The following SEPHS1 variants were observed in gnomAD, a reference collection of about 807,000 sequenced individuals.
The protein encoded by SEPHS1 is selenophosphate synthetase 1.
SEPHS1 carries 7 observed loss-of-function variants against 39.2 expected under a neutral mutation model. The observed-to-expected ratio is 0.18, with a 90% confidence interval of 0.10 to 0.34. The LOEUF is 0.34. Among genes scored for constraint, SEPHS1 ranks in the 10% least tolerant of loss-of-function variants. SEPHS1 has a pLI of 1.00. For missense variants in SEPHS1, 253 were observed against 514.5 expected (o/e 0.49, Z 4.92); for synonymous variants, 190 against 195.5 (o/e 0.97, Z 0.23).
intron 8 of SEPHS1, among the ~76,000 whole-genome samples, chr10:13,320,991 T>C (rs1303738322): frequency 6.6e-6 from 1 of 152,166 alleles, no homozygotes; most frequent in African/African-American, 2.4e-5. Flanking sequence ...TGTTGGAGCT[T>C]ACTTCTAGAA....
chr10:13,344,672 T>G, intron 2 of SEPHS1, 86 bp downstream of exon 2: 1 of 988,752 alleles, frequency 1.0e-6, no homozygotes, highest in East Asian at 2.7e-5. Flanking sequence ...TAATAAAAAA[T>G]AAATAGGCAA....
chr10:13,321,025 A>G (rs1217202972), intron 8 of SEPHS1, among the ~76,000 whole-genome samples: 2 of 151,962 alleles, frequency 1.3e-5, no homozygotes. Flanking sequence ...TTTAAACGGG[A>G]GGCTGAAGCG....
intron 7 of SEPHS1, among the ~76,000 whole-genome samples, chr10:13,327,087 A>T (rs1833322113): frequency 6.6e-6 from 1 of 151,858 alleles, no homozygotes; most frequent in African/African-American, 2.4e-5. Flanking sequence ...AAAATACAAA[A>T]ATCCGCCGGG....
Position 13,319,122 on chromosome 10 carries a change from A to C in SEPHS1, c.*20T>G. 6.2e-7 allele frequency: 1 copy of C among 1,606,756 alleles called. No homozygotes were observed. On this transcript the variant is annotated 3_prime_UTR_variant, in exon 9 of 9. Transcript: ENST00000327347. ...ATAGATCTATTTAAAAACAAAACCAAACAGCTATTTCTGTCTAGATTAAGA... is the reference window on the plus strand; with the variant it reads ...ATAGATCTATTTAAAAACAAAACCACACAGCTATTTCTGTCTAGATTAAGA...
chr10:13,318,814 G>C lies in SEPHS1; in HGVS notation c.*328C>G. 2 of 271,170 alleles carry C rather than the reference G, an allele frequency of 7.4e-6. No individual in the cohort carries two copies. Among genetic ancestry groups the C allele is most frequent in the South Asian group, 1.0e-4 (2 of 19,158 alleles). 16.8% of individuals were successfully genotyped at this position (271,170 alleles called of 1,614,324 possible). ...CCAACTGCTATTTGACACGACTACG[G>C]GTAATGCCTGTGCTATGTGAAAGCA... On this transcript the variant is annotated 3_prime_UTR_variant, in exon 9 of 9. Transcript: ENST00000327347.
At chr10:13,329,836 G>GAGCT in intron 5 of SEPHS1, 48 bp from the exon 6 acceptor site, 1 of 1,398,206 alleles carries the variant, frequency 7.2e-7, no homozygotes, top group Non-Finnish European at 1.0e-6. Flanking sequence ...CCAAGGAGAT[G>GAGCT]AGCTCATTGT....
intron 8 of SEPHS1, among the ~76,000 whole-genome samples, chr10:13,320,342 C>T (rs147247203): frequency 0.031 from 4,726 of 151,920 alleles, 111 homozygotes; most frequent in Admixed American, 0.059. Context: ...CCACCACACC[C>T]GGCTAATTTT....
At chr10:13,333,445 CTT>C (rs879788347) in intron 5 of SEPHS1, among the ~76,000 whole-genome samples, 3 of 134,356 alleles carry the variant, frequency 2.2e-5, no homozygotes, top group Non-Finnish European at 1.6e-5. Flanking sequence ...GCGTTCTTGT[CTT>C]TTTTTTTTTT....
At chr10:13,335,495 C>T (rs1371642800) in intron 4 of SEPHS1, among the ~76,000 whole-genome samples, 1 of 151,454 alleles carries the variant, frequency 6.6e-6, no homozygotes, top group Non-Finnish European at 1.5e-5. Flanking sequence ...GAAACCCCAT[C>T]TCTACTGAAA....
intron 1 of SEPHS1, chr10:13,347,165 C>G (rs1392829652): frequency 6.7e-6 from 1 of 148,610 alleles, no homozygotes; most frequent in African/African-American, 2.5e-5. Context: ...CCTTTCCTTC[C>G]CGGGCACATT....
At chr10:13,347,711 C>T (rs1267585980) in intron 1 of SEPHS1, among the ~76,000 whole-genome samples, 1 of 146,754 alleles carries the variant, frequency 6.8e-6, no homozygotes, top group East Asian at 2.1e-4. Flanking sequence ...AAAAAATTAA[C>T]CCCTGCGTGG....
chr10:13,325,556 G>C (rs1013181782), intron 7 of SEPHS1, among the ~76,000 whole-genome samples: 2 of 152,140 alleles, frequency 1.3e-5, no homozygotes, highest in Non-Finnish European at 2.9e-5. Context: ...TGCCACGACT[G>C]TAAGTTTCCT....
At chr10:13,324,727 T>G (rs935740250) in intron 7 of SEPHS1, among the ~76,000 whole-genome samples, 3 of 152,208 alleles carry the variant, frequency 2.0e-5, no homozygotes, top group African/African-American at 7.2e-5. Flanking sequence ...CCTCCCAACC[T>G]CAGCTTCCCA....
At position 13,322,852 on chromosome 10, in the gene SEPHS1, G is replaced by C. The variant is rs776415520; in HGVS notation, c.947C>G (p.Thr316Ser). Reference sequence around the variant, plus strand: ...TCCTGTACCTGAAGTCTCCGGGCAGGTCCCGTGCATGAGGCCGAACATGTT... The same window carrying C: ...TCCTGTACCTGAAGTCTCCGGGCAGCTCCCGTGCATGAGGCCGAACATGTT... ...CGNMFGLMHG[T>S]CPETSGGLLI... Residue 316 changes from threonine (T) to serine (S), a missense_variant, in exon 8 of 9, where the codon ACC becomes AGC. This residue lies in a region of SEPHS1 where 107 missense variants were observed against 257.1 expected (regional missense o/e 0.42). Transcript: ENST00000327347. 16 of 1,613,554 alleles carry C rather than the reference G, an allele frequency of 9.9e-6. No homozygotes were observed. In the East Asian group the frequency reaches 3.1e-4, roughly 31 times the overall value.
At chr10:13,341,309 G>A (rs897348755) in intron 2 of SEPHS1, among the ~76,000 whole-genome samples, 2 of 152,136 alleles carry the variant, frequency 1.3e-5, no homozygotes, top group African/African-American at 2.4e-5. Context: ...GGTCGGGGAA[G>A]CCTTAAATAC....
At chr10:13,343,187 T>C (rs1055291936) in intron 2 of SEPHS1, among the ~76,000 whole-genome samples, 1 of 152,176 alleles carries the variant, frequency 6.6e-6, no homozygotes, top group Non-Finnish European at 1.5e-5. Context: ...TTTAATTTCA[T>C]TGGTTTTTGA....
At position 13,332,062 on chromosome 10, in the gene SEPHS1, T is replaced by C. The variant is rs989168786; in HGVS notation, c.560+1755A>G. The stretch of plus-strand genomic sequence containing the variant: ...TATACACCCAAGAGACCGGAACTTA[T>C]GTCCACACAAAAACTTAGAATGTTC... On this transcript the variant is annotated intron_variant, in intron 5 of 8. Transcript: ENST00000327347. Among the ~76,000 whole-genome samples the C allele has an allele frequency of 4.6e-5, 7 of 152,228 alleles. No individual in the cohort carries two copies. The East Asian group carries it at 5.8e-4, about 13-fold the overall frequency.
chr10:13,328,334 C>A lies in SEPHS1; in HGVS notation c.751+17G>T. On this transcript the variant is annotated intron_variant, in intron 7 of 8. Transcript: ENST00000327347. ...CTTGGACCCCTGGGACCGAAGCGCCCTTCCCACCTGTCATACCTGTCCTGT... is the reference window on the plus strand; with the variant it reads ...CTTGGACCCCTGGGACCGAAGCGCCATTCCCACCTGTCATACCTGTCCTGT... 6.4e-7 allele frequency: 1 copy of A among 1,565,672 alleles called. No homozygotes were observed. The highest frequency in any genetic ancestry group is 8.8e-7 in the Non-Finnish European group (1 of 1,137,288).
At chr10:13,337,090 G>C (rs1833658757) in intron 3 of SEPHS1, among the ~76,000 whole-genome samples, 4 of 152,156 alleles carry the variant, frequency 2.6e-5, no homozygotes, top group African/African-American at 9.7e-5. Context: ...GGTGGAGGTT[G>C]CAGTAAGCTG....
Sources: allele counts gnomAD v4.1 joint callset (sites outside exome capture counted in the v4.1 genomes callset), GRCh38; gene constraint gnomAD v4.1.1; regional missense constraint gnomAD v4.1.1; transcripts MANE v1.5; gene names NCBI Gene and HGNC (gene_info 2026-07-23, HGNC 2026-07-21).